Variants in CEP135 observed in about 807,000 individuals in gnomAD.
The protein encoded by CEP135 is centrosomal protein of 135 kDa.
CEP135 carries 142 observed loss-of-function variants against 157.3 expected under a neutral mutation model. The ratio of observed to expected loss-of-function variants is 0.90; its 90% CI spans 0.79 to 1.04. The LOEUF is 1.04. Ranked by LOEUF, CEP135 falls within the 50% of genes least tolerant of loss-of-function variation. The probability of loss-of-function intolerance (pLI) is 0.00; values close to 1 mark genes in which losing one functional copy is unlikely to be tolerated. For missense variants in CEP135, 1,317 were observed against 1,309.2 expected (o/e 1.01, Z -0.09); for synonymous variants, 396 against 439.8 (o/e 0.90, Z 1.25).
At chr4:55,991,318 C>CTTT (rs36216484) in intron 14 of CEP135, among the ~76,000 whole-genome samples, 4 of 133,602 alleles carry the variant, frequency 3.0e-5, no homozygotes, top group Non-Finnish European at 4.9e-5. Context: ...CTGTTTTTTT[C>CTTT]TTTTTTTTTT....
At chr4:55,966,611 AG>A (rs1728852646) in intron 8 of CEP135, 1 of 152,532 alleles carries the variant, frequency 6.6e-6, no homozygotes, top group South Asian at 2.1e-4. Flanking sequence ...CAGCCTCCTG[AG>A]TAGCTGGGAC....
At chr4:56,008,424 T>G (rs1366765558) in intron 18 of CEP135, 42 bp downstream of exon 18, 1 of 1,460,448 alleles carries the variant, frequency 6.8e-7, no homozygotes, top group Non-Finnish European at 9.5e-7. Context: ...TTAGGAGATT[T>G]TCAGTGAATA....
intron 17 of CEP135, 99 bp from the exon 18 acceptor site, chr4:56,008,228 T>C (rs558150348): frequency 1.9e-5 from 15 of 803,800 alleles, no homozygotes; most frequent in African/African-American, 8.6e-5. Context: ...CTTTATATAA[T>C]TGAGCTGTGT....
Position 55,992,070 on chromosome 4 carries a change from A to G in CEP135, c.1994A>G (p.Glu665Gly), listed in dbSNP as rs1185723477. 1 of 1,597,198 alleles carries G rather than the reference A, an allele frequency of 6.3e-7. No homozygotes were observed. The highest frequency in any genetic ancestry group is 1.8e-5 in the Admixed American group (1 of 54,634). The change falls in exon 15 of 26, where the codon GAG becomes GGG. Residue 665 changes from glutamate to glycine, a missense_variant. Transcript: ENST00000257287. The stretch of plus-strand genomic sequence containing the variant: ...GGTGACTCATCTCATCAGAAAACAG[A>G]GGTGAACTCACTTAGGTAAGTTTAT... Reference protein sequence around the residue: ...VAGDSSHQKTEVNSLRIVNEQ... With the variant: ...VAGDSSHQKTGVNSLRIVNEQ...
intron 19 of CEP135, among the ~76,000 whole-genome samples, chr4:56,010,372 A>AG (rs1730538604): frequency 6.6e-6 from 1 of 151,948 alleles, no homozygotes; most frequent in Non-Finnish European, 1.5e-5. Flanking sequence ...AAAAAAAAAA[A>AG]AAAAAATGGG....
At chr4:55,950,372 A>AT (rs1434523359) in intron 1 of CEP135, among the ~76,000 whole-genome samples, 1 of 152,218 alleles carries the variant, frequency 6.6e-6, no homozygotes, top group African/African-American at 2.4e-5. Context: ...CATGTAATGC[A>AT]TTTTTTATAT....
rs374201582 is a variant in CEP135, at chr4:55,965,618, C to T, written c.829-26C>T. ...TTAGGATAATTTTCCAATTCATATA[C>T]CTCATAAATTACAACTCCAATTTAG... On this transcript the variant is annotated intron_variant, in intron 7 of 25. Coordinates refer to ENST00000257287, the MANE Select transcript of CEP135 (RefSeq NM_025009.5). The T allele has an allele frequency of 4.0e-6, 6 of 1,511,688 alleles. No homozygotes were observed. The African/African-American group carries it at 4.2e-5, about 11-fold the overall frequency. The allele number at this position is 1,511,688 out of a possible 1,614,324, so 93.6% of individuals were successfully genotyped here.
chr4:55,951,164 G>A (rs920263308), intron 1 of CEP135, among the ~76,000 whole-genome samples: 3 of 152,112 alleles, frequency 2.0e-5, no homozygotes, highest in Admixed American at 2.0e-4. Context: ...TGTTGATGGG[G>A]GTTTAGGTTG....
intron 21 of CEP135, among the ~76,000 whole-genome samples, 170 bp from the exon 22 acceptor site, chr4:56,017,478 G>A (rs561691384): frequency 6.6e-6 from 1 of 152,158 alleles, no homozygotes; most frequent in East Asian, 1.9e-4. Flanking sequence ...ATTTTGTTAA[G>A]CATTAAATAG....
At chr4:55,984,125 T>C (rs533459367) in intron 13 of CEP135, among the ~76,000 whole-genome samples, 1 of 152,332 alleles carries the variant, frequency 6.6e-6, no homozygotes, top group East Asian at 1.9e-4. Flanking sequence ...TCATATCACT[T>C]CCTATTTAAA....
rs531520456 is a variant in CEP135, at chr4:55,988,526, G to C, written c.1857+3168G>C. Among the ~76,000 whole-genome samples, 303 of 152,250 alleles carry C rather than the reference G, an allele frequency of 2.0e-3. 2 individuals carry two copies. Among genetic ancestry groups the C allele is most frequent in the African/African-American group, 7.0e-3 (289 of 41,528 alleles). On this transcript the variant is annotated intron_variant, in intron 14 of 25. Transcript: ENST00000257287. ...AATACGAAAATTTGCCAGGTGAGGT[G>C]GCACGCGCCTGTAGTCCCAGCTACT...
intron 25 of CEP135, among the ~76,000 whole-genome samples, chr4:56,027,368 C>T (rs1375227454): frequency 6.6e-6 from 1 of 152,202 alleles, no homozygotes; most frequent in African/African-American, 2.4e-5. Context: ...CATTTGTTAA[C>T]AGATTGTCTA....
intron 18 of CEP135, 104 bp from the exon 19 acceptor site, chr4:56,009,631 C>G (rs1219887759): frequency 1.1e-5 from 10 of 951,582 alleles, no homozygotes; most frequent in Non-Finnish European, 1.5e-5. Context: ...CTTATAATCA[C>G]AGTATATTTG....
rs1731397681 is a variant in CEP135, at chr4:56,032,659, G to A, written c.*1311G>A. The A allele has an allele frequency of 1.3e-5, 2 of 152,052 alleles. No homozygotes were observed. Among genetic ancestry groups the A allele is most frequent in the South Asian group, 4.1e-4 (2 of 4,824 alleles). 9.4% of individuals were successfully genotyped at this position (152,052 alleles called of 1,614,324 possible). ...TCAAAGTTGTAATTTTAAAGAATTT[G>A]GGTGTATACCTATGTTAATGAAACA... On this transcript the variant is annotated 3_prime_UTR_variant, in exon 26 of 26. Coordinates refer to ENST00000257287, the MANE Select transcript of CEP135 (RefSeq NM_025009.5).
intron 17 of CEP135, among the ~76,000 whole-genome samples, chr4:56,003,082 G>A (rs1383233451): frequency 6.6e-6 from 1 of 151,832 alleles, no homozygotes; most frequent in Non-Finnish European, 1.5e-5. Context: ...TTTTGTTTCT[G>A]ATTTTATTTA....
chr4:55,961,764 T>TAAAAAAAAA lies in CEP135; in HGVS notation c.699+2021_699+2029dup, dbSNP rs564116620. Among the ~76,000 whole-genome samples the TAAAAAAAAA allele has an allele frequency of 9.6e-4, 52 of 54,206 alleles. 5 individuals are homozygous for TAAAAAAAAA. In the East Asian group the frequency reaches 0.013, roughly 14 times the overall value. 35.6% of individuals were successfully genotyped at this position (54,206 alleles called of 152,430 possible). A position where few individuals can be genotyped will look rare whatever the true frequency, so the allele number is the denominator to read the frequency against. On this transcript the variant is annotated intron_variant, in intron 6 of 25. Coordinates refer to ENST00000257287, the MANE Select transcript of CEP135 (RefSeq NM_025009.5). ...GGGCAACAAGAGCGAAAACTCTGTC[T>TAAAAAAAAA]AAAAAAAAAAAAAAAAAAAAAAAAA...
chr4:55,967,475 T>C (rs1040202427), intron 8 of CEP135, among the ~76,000 whole-genome samples: 1 of 152,122 alleles, frequency 6.6e-6, no homozygotes, highest in Non-Finnish European at 1.5e-5. Context: ...TGCCCTTCTT[T>C]GAACATTGAG....
At chr4:55,975,188 A>G (rs1357121695) in intron 11 of CEP135, among the ~76,000 whole-genome samples, 1 of 152,222 alleles carries the variant, frequency 6.6e-6, no homozygotes. Flanking sequence ...ATTAAAGGAA[A>G]GGTTGAATAG....
At chr4:56,017,283 A>G (rs1730809569) in intron 21 of CEP135, among the ~76,000 whole-genome samples, 1 of 152,150 alleles carries the variant, frequency 6.6e-6, no homozygotes, top group Non-Finnish European at 1.5e-5. Flanking sequence ...ATGTATATAT[A>G]TTACTTTTTC....
Sources: allele counts gnomAD v4.1 joint callset (sites outside exome capture counted in the v4.1 genomes callset), GRCh38; gene constraint gnomAD v4.1.1; transcripts MANE v1.5; gene names NCBI Gene and HGNC (gene_info 2026-07-23, HGNC 2026-07-21).